Variants in WDR49 observed in about 807,000 individuals in gnomAD.
WDR49 encodes cilia- and flagella-associated protein 337.
WDR49 carries 107 observed loss-of-function variants against 119.5 expected under a neutral mutation model. That is an observed-to-expected ratio of 0.90 (90% CI 0.77 to 1.05). WDR49 has a LOEUF of 1.05. WDR49 is among the 50% of genes least tolerant of loss of function. WDR49 has a pLI of 0.00. For missense variants in WDR49, 1,240 were observed against 1,220.5 expected, an observed-to-expected ratio of 1.02 and a Z score of -0.24; for synonymous variants, 425 against 418.8, an observed-to-expected ratio of 1.01 and a Z score of -0.18.
chr3:167,612,829 A>G (rs1430500786), intron 5 of WDR49, among the ~76,000 whole-genome samples: 1 of 152,182 alleles, frequency 6.6e-6, no homozygotes, highest in Non-Finnish European at 1.5e-5. Context: ...GTTCTCACTT[A>G]TTTGTAGGAT....
chr3:167,503,039 G>C (rs1265198474), intron 17 of WDR49, among the ~76,000 whole-genome samples: 1 of 152,074 alleles, frequency 6.6e-6, no homozygotes, highest in African/African-American at 2.4e-5. Flanking sequence ...CCCATCACAG[G>C]CCCACAGGCA....
chr3:167,582,381 G>A (rs1474610641), intron 7 of WDR49, among the ~76,000 whole-genome samples: 1 of 152,004 alleles, frequency 6.6e-6, no homozygotes, highest in African/African-American at 2.4e-5. Context: ...CTTCAGAAAA[G>A]ATTTTTGCTA....
At chr3:167,570,617 G>T (rs941177051) in intron 8 of WDR49, among the ~76,000 whole-genome samples, 3 of 152,184 alleles carry the variant, frequency 2.0e-5, no homozygotes, top group African/African-American at 7.2e-5. Context: ...TGATGGCATA[G>T]ATAATAACTT....
chr3:167,560,038 A>G (rs568340560), intron 9 of WDR49, 26 bp downstream of exon 9: 1 of 1,613,030 alleles, frequency 6.2e-7, no homozygotes, highest in South Asian at 1.1e-5. Flanking sequence ...TCATATCTGG[A>G]TAGAAAAGCA....
chr3:167,529,151 A>T lies in WDR49; in HGVS notation c.2307T>A (p.Ala769=). ...TAATAATCGATCCAACTCCACTATGAGCCAAAAATTCAGCCAGAAGTTGCT... is the reference window on the plus strand; with the variant it reads ...TAATAATCGATCCAACTCCACTATGTGCCAAAAATTCAGCCAGAAGTTGCT... ...YKKQLLAEFL[A]HSGVGSIIMS... The change falls in exon 14 of 19, where the codon GCT becomes GCA. Residue 769 remains alanine, a synonymous_variant. Transcript: ENST00000682715. The T allele has an allele frequency of 6.2e-7, 1 of 1,612,296 alleles. No individual in the cohort carries two copies. The highest frequency in any genetic ancestry group is 8.5e-7 in the Non-Finnish European group (1 of 1,179,274).
At chr3:167,638,137 A>G (rs114496341) in intron 2 of WDR49, among the ~76,000 whole-genome samples, 2,990 of 151,674 alleles carry the variant, frequency 0.02, 44 homozygotes, top group Non-Finnish European at 0.03. Flanking sequence ...TATAGCCTTT[A>G]AGCATGCTGA....
intron 16 of WDR49, among the ~76,000 whole-genome samples, chr3:167,519,082 C>T (rs1289999774): frequency 2.0e-5 from 3 of 152,158 alleles, no homozygotes; most frequent in African/African-American, 4.8e-5. Flanking sequence ...GAGATACCAT[C>T]TCATGCCAGT....
At chr3:167,536,634 C>T (rs1309207371) in intron 11 of WDR49, among the ~76,000 whole-genome samples, 5 of 150,424 alleles carry the variant, frequency 3.3e-5, no homozygotes, top group African/African-American at 9.8e-5. Flanking sequence ...CAGCTGAGAT[C>T]TGGCCACTGC....
chr3:167,590,996 G>A (rs1420739949), intron 7 of WDR49, among the ~76,000 whole-genome samples: 2 of 151,626 alleles, frequency 1.3e-5, no homozygotes, highest in African/African-American at 4.8e-5. Context: ...TTCTTTAAGA[G>A]GCACCATTAG....
At chr3:167,513,758 G>A (rs1263145542) in intron 16 of WDR49, among the ~76,000 whole-genome samples, 1 of 152,150 alleles carries the variant, frequency 6.6e-6, no homozygotes, top group Non-Finnish European at 1.5e-5. Flanking sequence ...TAAAGGAATG[G>A]AGGAAATTTT....
At chr3:167,645,704 C>G (rs1395550689) in intron 2 of WDR49, among the ~76,000 whole-genome samples, 1 of 152,040 alleles carries the variant, frequency 6.6e-6, no homozygotes, top group African/African-American at 2.4e-5. Context: ...TTGTAAGGTC[C>G]AGTCTTAAAC....
intron 16 of WDR49, among the ~76,000 whole-genome samples, chr3:167,520,144 G>A (rs150948559): frequency 1.8e-3 from 273 of 151,992 alleles, no homozygotes; most frequent in African/African-American, 6.5e-3. Flanking sequence ...CTACTTGGGA[G>A]GCTGAGGTGG....
At chr3:167,529,962 A>G (rs750472193) in intron 13 of WDR49, among the ~76,000 whole-genome samples, 5 of 152,236 alleles carry the variant, frequency 3.3e-5, no homozygotes, top group Non-Finnish European at 7.4e-5. Flanking sequence ...AATCATATCT[A>G]TTTAAGGTAG....
intron 2 of WDR49, among the ~76,000 whole-genome samples, chr3:167,630,884 A>G (rs1207666473): frequency 6.6e-6 from 1 of 152,104 alleles, no homozygotes; most frequent in African/African-American, 2.4e-5. Flanking sequence ...ACAGCATCAC[A>G]ACTCGTGCCT....
At chr3:167,613,607 G>A (rs958760541) in intron 5 of WDR49, among the ~76,000 whole-genome samples, 25 of 152,152 alleles carry the variant, frequency 1.6e-4, no homozygotes, top group African/African-American at 5.6e-4. Flanking sequence ...ACTCCCTGAG[G>A]AGTCTGTATT....
chr3:167,529,222 A>T lies in WDR49; in HGVS notation c.2236T>A (p.Ser746Thr). The T allele has an allele frequency of 6.3e-7, 1 of 1,596,278 alleles. No homozygotes were observed. The highest frequency in any genetic ancestry group is 8.5e-7 in the Non-Finnish European group (1 of 1,174,554). The change falls in exon 14 of 19, where the codon TCA (serine) becomes ACA (threonine). Residue 746 changes from serine (S) to threonine (T), a missense_variant. Coordinates refer to ENST00000682715, the MANE Select transcript of WDR49 (RefSeq NM_001366157.1). Reference protein sequence around the residue: ...TAVTGGANLVSCGGSGYVRFW... With the variant: ...TAVTGGANLVTCGGSGYVRFW... Reference sequence around the variant, plus strand: ...CTGACATAACCAGATCCTCCACATGATACCAGGTTAGCTCCTCCTAACATG... The same window carrying T: ...CTGACATAACCAGATCCTCCACATGTTACCAGGTTAGCTCCTCCTAACATG...
At chr3:167,563,640 C>T (rs1713413785) in intron 8 of WDR49, among the ~76,000 whole-genome samples, 1 of 152,126 alleles carries the variant, frequency 6.6e-6, no homozygotes, top group Admixed American at 6.5e-5. Context: ...ATAATAACTA[C>T]ATAATTATGG....
At chr3:167,516,957 C>A (rs1169299712) in intron 16 of WDR49, among the ~76,000 whole-genome samples, 3 of 152,040 alleles carry the variant, frequency 2.0e-5, no homozygotes, top group Non-Finnish European at 4.4e-5. Flanking sequence ...CCAAAAGACA[C>A]ATGAAAAAAT....
chr3:167,632,033 A>G (rs1306419977), intron 2 of WDR49, among the ~76,000 whole-genome samples: 1 of 152,098 alleles, frequency 6.6e-6, no homozygotes, highest in Admixed American at 6.6e-5. Context: ...GAGTAGAGAA[A>G]GAAACCTGGT....
Sources: allele counts gnomAD v4.1 joint callset (sites outside exome capture counted in the v4.1 genomes callset), GRCh38; gene constraint gnomAD v4.1.1; transcripts MANE v1.5; gene names NCBI Gene and HGNC (gene_info 2026-07-23, HGNC 2026-07-21).